NFAT5: variants seen among roughly 807,000 people sequenced by gnomAD.
The protein encoded by NFAT5 is nuclear factor of activated T-cells 5.
A neutral mutation model predicts 166.5 loss-of-function variants in NFAT5; 31 were observed. The ratio of observed to expected loss-of-function variants is 0.19; its 90% CI spans 0.14 to 0.25. The LOEUF is 0.25. Among genes scored for constraint, NFAT5 ranks in the 10% least tolerant of loss-of-function variants. The pLI, the probability that NFAT5 is intolerant of heterozygous loss-of-function variation, is 1.00. For missense variants in NFAT5, 1,449 were observed against 1,821.8 expected, an observed-to-expected ratio of 0.80 and a Z score of 3.72; for synonymous variants, 612 against 639.7, an observed-to-expected ratio of 0.96 and a Z score of 0.65.
intron 3 of NFAT5, among the ~76,000 whole-genome samples, chr16:69,630,258 C>T (rs536178116): frequency 1.3e-5 from 2 of 152,260 alleles, no homozygotes; most frequent in South Asian, 4.1e-4. Context: ...GAACGAACTC[C>T]TGGGCTCAGG....
Position 69,693,491 on chromosome 16 carries a change from G to T in NFAT5, c.3666G>T (p.Pro1222=), listed in dbSNP as rs139231335. ...TTTCCCAAGAACAGGCACAACCCCCGCAGCAGGGTTTATTTCAGCCTCAGG... is the reference window on the plus strand; with the variant it reads ...TTTCCCAAGAACAGGCACAACCCCCTCAGCAGGGTTTATTTCAGCCTCAGG... The part of the protein sequence containing the change: ...PMLSQEQAQP[P]QQGLFQPQVA... The change falls in exon 13 of 15, where the codon CCG becomes CCT. Residue 1222 remains proline, a synonymous_variant. Transcript: ENST00000349945. 1.2e-6 allele frequency: 2 copies of T among 1,614,044 alleles called. No homozygotes were observed. Among genetic ancestry groups the T allele is most frequent in the Non-Finnish European group, 1.7e-6 (2 of 1,180,008 alleles).
chr16:69,656,454 CTT>C (rs201048494), intron 6 of NFAT5, among the ~76,000 whole-genome samples: 8 of 142,874 alleles, frequency 5.6e-5, no homozygotes, highest in Admixed American at 7.0e-5. Flanking sequence ...GCTTTAAAAA[CTT>C]TTTTTTTTTT....
chr16:69,593,433 T>C (rs2032596201), intron 2 of NFAT5, among the ~76,000 whole-genome samples: 1 of 151,952 alleles, frequency 6.6e-6, no homozygotes, highest in Non-Finnish European at 1.5e-5. Context: ...ACCTCAGCCT[T>C]CCAAGTTGCT....
chr16:69,634,049 G>T (rs558150331), intron 3 of NFAT5, among the ~76,000 whole-genome samples: 3 of 151,770 alleles, frequency 2.0e-5, no homozygotes, highest in African/African-American at 7.3e-5. Context: ...GGGCCGAGGC[G>T]GGCAGATCAC....
At position 69,677,196 on chromosome 16, in the gene NFAT5, A is replaced by G; in HGVS notation, c.1558-7A>G. 1.3e-6 allele frequency: 2 copies of G among 1,596,614 alleles called. No individual in the cohort carries two copies. The highest frequency in any genetic ancestry group is 1.7e-6 in the Non-Finnish European group (2 of 1,175,794). On this transcript the variant is annotated splice_polypyrimidine_tract_variant and splice_region_variant and intron_variant, in intron 9 of 14. Transcript: ENST00000349945. ...TTTTCCAACTCTTGTGCTTTTCTTT[A>G]CATTAGAATCATCTTATTGTGAAGG...
chr16:69,615,330 C>T (rs568106464), intron 2 of NFAT5, among the ~76,000 whole-genome samples: 2 of 152,142 alleles, frequency 1.3e-5, no homozygotes, highest in Non-Finnish European at 2.9e-5. Context: ...CATGAGCCAC[C>T]GCACCCAACC....
intron 2 of NFAT5, among the ~76,000 whole-genome samples, chr16:69,595,529 T>A (rs1156653929): frequency 6.6e-6 from 1 of 152,202 alleles, no homozygotes; most frequent in Non-Finnish European, 1.5e-5. Context: ...TAATGCCTTT[T>A]AAATCTTAAC....
chr16:69,663,342 T>C (rs2036227777), intron 7 of NFAT5, among the ~76,000 whole-genome samples: 1 of 152,196 alleles, frequency 6.6e-6, no homozygotes, highest in Non-Finnish European at 1.5e-5. Flanking sequence ...CTTTTTACAT[T>C]CTTAACATCT....
Position 69,700,603 on chromosome 16 carries a change from A to G in NFAT5, c.*4252A>G, listed in dbSNP as rs553068156. 2 of 152,182 alleles carry G rather than the reference A, an allele frequency of 1.3e-5. No individual in the cohort carries two copies. Among genetic ancestry groups the G allele is most frequent in the African/African-American group, 2.4e-5 (1 of 41,454 alleles). The allele number at this position is 152,182 out of a possible 1,614,324, so 9.4% of individuals were successfully genotyped here. A position where few individuals can be genotyped will look rare whatever the true frequency, so the allele number is the denominator to read the frequency against. The stretch of plus-strand genomic sequence containing the variant: ...TTTTCTGATGAAGATTTCTGTTCCA[A>G]TATCTGTTTCCTAATAGATTTTTTA... On this transcript the variant is annotated 3_prime_UTR_variant, in exon 15 of 15. Transcript: ENST00000349945.
rs993768273 is a variant in NFAT5, at chr16:69,565,977, AGCG to A, written c.-314_-312del. 14 of 303,090 alleles carry A rather than the reference AGCG, an allele frequency of 4.6e-5. No individual in the cohort carries two copies. The highest frequency in any genetic ancestry group is 9.9e-4 in the Middle Eastern group (1 of 1,006). The allele number at this position is 303,090 out of a possible 1,614,324, so 18.8% of individuals were successfully genotyped here. On this transcript the variant is annotated 5_prime_UTR_variant, in exon 1 of 15. Coordinates refer to ENST00000349945, the MANE Select transcript of NFAT5 (RefSeq NM_138713.4). ...CGGGGGCGGGGCTCAGATTCCTGTC[AGCG>A]GCGGCGGCGGTGGCGGCGACCGTCA...
At chr16:69,629,799 A>G (rs2034628996) in intron 3 of NFAT5, among the ~76,000 whole-genome samples, 1 of 138,802 alleles carries the variant, frequency 7.2e-6, no homozygotes, top group African/African-American at 2.7e-5. Flanking sequence ...TTTAAGAGAC[A>G]GGGTCTGTCA....
At chr16:69,576,596 T>C (rs946300475) in intron 2 of NFAT5, among the ~76,000 whole-genome samples, 1 of 152,036 alleles carries the variant, frequency 6.6e-6, no homozygotes, top group Non-Finnish European at 1.5e-5. Flanking sequence ...TTGGCCTAGC[T>C]CAGTGGCTCA....
At chr16:69,681,421 G>C (rs1043788392) in intron 10 of NFAT5, among the ~76,000 whole-genome samples, 1 of 152,142 alleles carries the variant, frequency 6.6e-6, no homozygotes, top group African/African-American at 2.4e-5. Flanking sequence ...AACCTGAAAG[G>C]CTAAATTTGA....
chr16:69,669,982 C>A lies in NFAT5; in HGVS notation c.1375C>A (p.Pro459Thr). ...ATGCTTATGTATCTCCACAGCTCAG[C>A]CAGCAGGAGTGCCAGAAATCTTAAA... ...TPSSPILCTQ[P>T]AGVPEILKKS... Residue 459 changes from proline (P) to threonine (T), a missense_variant, in exon 8 of 15, where the codon CCA (proline) becomes ACA (threonine). Around this residue, in one of 7 missense-constraint regions of NFAT5, gnomAD observed 245 missense variants for 366.6 expected, o/e 0.67. Transcript: ENST00000349945. 6.3e-7 allele frequency: 1 copy of A among 1,596,016 alleles called. No homozygotes were observed. The highest frequency in any genetic ancestry group is 8.5e-7 in the Non-Finnish European group (1 of 1,174,640).
chr16:69,614,633 AAC>A (rs1449981580), intron 2 of NFAT5, among the ~76,000 whole-genome samples: 1 of 152,178 alleles, frequency 6.6e-6, no homozygotes, highest in African/African-American at 2.4e-5. Context: ...TGGTATTTCC[AAC>A]AAATAAGAAT....
chr16:69,576,556 A>T (rs1384074403), intron 2 of NFAT5, among the ~76,000 whole-genome samples: 1 of 152,016 alleles, frequency 6.6e-6, no homozygotes, highest in Non-Finnish European at 1.5e-5. Context: ...TAACATTTAG[A>T]GGAAGTGATG....
At chr16:69,596,661 T>G (rs534659570) in intron 2 of NFAT5, among the ~76,000 whole-genome samples, 10 of 147,234 alleles carry the variant, frequency 6.8e-5, no homozygotes, top group Admixed American at 4.2e-4. Context: ...GAGGTTGCAG[T>G]GAGCCGAGAT....
chr16:69,646,671 C>T (rs2035450707), intron 3 of NFAT5: 1 of 341,246 alleles, frequency 2.9e-6, no homozygotes. Context: ...ATGTGGACCA[C>T]CAGCATATAT....
At chr16:69,633,188 C>T (rs938217021) in intron 3 of NFAT5, among the ~76,000 whole-genome samples, 2 of 152,116 alleles carry the variant, frequency 1.3e-5, no homozygotes, top group African/African-American at 4.8e-5. Flanking sequence ...CTCTTAATAA[C>T]ACTTTTATAA....
Sources: allele counts gnomAD v4.1 joint callset (sites outside exome capture counted in the v4.1 genomes callset), GRCh38; gene constraint gnomAD v4.1.1; regional missense constraint gnomAD v4.1.1; transcripts MANE v1.5; gene names NCBI Gene and HGNC (gene_info 2026-07-23, HGNC 2026-07-21).